The following SBF2 variants were observed in gnomAD, a reference collection of about 807,000 sequenced individuals.
SBF2 encodes SET binding factor 2, also known as myotubularin-related protein 13.
In SBF2, 112 loss-of-function variants were observed where a neutral mutation model predicts 225.2. The observed-to-expected ratio is 0.50, with a 90% confidence interval of 0.43 to 0.58. SBF2 has a LOEUF of 0.58. Among genes scored for constraint, SBF2 ranks in the 20% least tolerant of loss-of-function variants. The pLI is 0.00. For synonymous variants in SBF2, 763 were observed against 773.3 expected (o/e 0.99, Z 0.22); for missense variants, 1,996 against 2,206.2 (o/e 0.90, Z 1.91).
intron 2 of SBF2, among the ~76,000 whole-genome samples, chr11:10,118,323 C>T (rs1439473260): frequency 6.6e-6 from 1 of 152,046 alleles, no homozygotes; most frequent in East Asian, 1.9e-4. Flanking sequence ...ACGACAGGGA[C>T]TAAAGTACAA....
intron 16 of SBF2, among the ~76,000 whole-genome samples, chr11:9,950,480 TA>T (rs1329626591): frequency 6.6e-6 from 1 of 152,204 alleles, no homozygotes; most frequent in Non-Finnish European, 1.5e-5. Context: ...CAACTCTAGG[TA>T]TATATCAAAT....
chr11:9,850,128 C>T lies in SBF2; in HGVS notation c.2701G>A (p.Ala901Thr). ...GGGCCTCCAAGAAGACCTCCAGTAG[C>T]TTCTTCTCTTCCATCAGGATCCAGC... is the stretch of plus-strand genomic sequence containing the variant. ...VLLDPDGREE[A>T]TGGLLGGPQL... is the part of the protein sequence containing the mutation. The change falls in exon 22 of 40, where the codon GCT becomes ACT. Residue 901 changes from alanine (A) to threonine (T), a missense_variant. By Grantham distance (58) the Ala-to-Thr change is moderately conservative. Transcript: ENST00000256190. 6.2e-7 allele frequency: 1 copy of T among 1,614,136 alleles called. No homozygotes were observed. The highest frequency in any genetic ancestry group is 8.5e-7 in the Non-Finnish European group (1 of 1,179,998).
chr11:10,250,804 T>C (rs926585348), intron 1 of SBF2, among the ~76,000 whole-genome samples: 9 of 152,116 alleles, frequency 5.9e-5, no homozygotes, highest in African/African-American at 2.2e-4. Context: ...GCAACAAAAC[T>C]TGGGAAGCTT....
chr11:10,241,937 A>C (rs1195128269), intron 1 of SBF2, among the ~76,000 whole-genome samples: 1 of 151,948 alleles, frequency 6.6e-6, no homozygotes, highest in Non-Finnish European at 1.5e-5. Context: ...CACAAATCCT[A>C]GCACCAGGCC....
At chr11:10,294,239 T>G (rs1964369800), upstream of SBF2, 1 of 447,134 alleles carries the variant, frequency 2.2e-6, no homozygotes, top group Non-Finnish European at 3.6e-6. Flanking sequence ...CGGCGCCTAG[T>G]GCCCGCTCCT....
chr11:10,260,544 C>G (rs6484141), intron 1 of SBF2, among the ~76,000 whole-genome samples: 94,456 of 151,530 alleles, frequency 0.62, 30,095 homozygotes, highest in African/African-American at 0.76. Flanking sequence ...ATGAAACCCC[C>G]TCTCTACTAA....
At chr11:9,938,151 C>T (rs147971756) in intron 16 of SBF2, among the ~76,000 whole-genome samples, 4,520 of 151,942 alleles carry the variant, frequency 0.03, 100 homozygotes, top group Non-Finnish European at 0.047. Flanking sequence ...ATTAGCCGGG[C>T]GTGGTGGCGG....
chr11:10,043,067 T>C (rs966504073), intron 2 of SBF2, 86 bp from the exon 3 acceptor site: 19 of 1,364,194 alleles, frequency 1.4e-5, no homozygotes, highest in Non-Finnish European at 1.8e-5. Context: ...TGTTTGCCCA[T>C]TTTAACAAAT....
At chr11:9,974,560 C>T (rs999289688) in intron 13 of SBF2, among the ~76,000 whole-genome samples, 10 of 151,642 alleles carry the variant, frequency 6.6e-5, no homozygotes, top group Admixed American at 6.6e-4. Context: ...CAGTCCTATA[C>T]TCTCACTCAC....
At position 10,128,218 on chromosome 11, in the gene SBF2, T is replaced by C. The variant is rs1953853970; in HGVS notation, c.141+65684A>G. 2.0e-5 allele frequency among the ~76,000 whole-genome samples: 3 copies of C among 152,222 alleles called. No homozygotes were observed. The South Asian group carries it at 6.2e-4, about 32-fold the overall frequency. The stretch of plus-strand genomic sequence containing the variant: ...CACACTTGTTTGTTTGCCAGTTCTT[T>C]AGCTGTCTTCCTAACTACACTACCT... On this transcript the variant is annotated intron_variant, in intron 2 of 39. Coordinates refer to ENST00000256190, the MANE Select transcript of SBF2 (RefSeq NM_030962.4).
At chr11:9,880,903 G>T (rs970225350) in intron 17 of SBF2, among the ~76,000 whole-genome samples, 7 of 152,274 alleles carry the variant, frequency 4.6e-5, no homozygotes, top group African/African-American at 1.7e-4. Flanking sequence ...TGGATCACAA[G>T]AAATATGATT....
At position 10,206,283 on chromosome 11, in the gene SBF2, C is replaced by A. The variant is rs148325100; in HGVS notation, c.56-12296G>T. The stretch of plus-strand genomic sequence containing the variant: ...GAAGGGCTATATTTAATGGCCCCAG[C>A]ATTAAATAAACAAAGAAAACCAAAT... On this transcript the variant is annotated intron_variant, in intron 1 of 39. Coordinates refer to ENST00000256190, the MANE Select transcript of SBF2 (RefSeq NM_030962.4). 1.4e-4 allele frequency among the ~76,000 whole-genome samples: 21 copies of A among 151,212 alleles called. 1 individual carries two copies. In the East Asian group the frequency reaches 4.1e-3, roughly 30 times the overall value.
At chr11:9,897,224 A>G (rs1276964602) in intron 16 of SBF2, among the ~76,000 whole-genome samples, 1 of 151,688 alleles carries the variant, frequency 6.6e-6, no homozygotes, top group African/African-American at 2.4e-5. Flanking sequence ...ATGCTACCAC[A>G]TGGACATTAT....
intron 1 of SBF2, among the ~76,000 whole-genome samples, chr11:10,235,845 A>G (rs1204935700): frequency 6.6e-6 from 1 of 152,154 alleles, no homozygotes; most frequent in Non-Finnish European, 1.5e-5. Flanking sequence ...AGGCAGGAGG[A>G]TCACCTGAGC....
At chr11:9,794,704 A>AAAAAAAAAAAAAAC (rs1853000599) in intron 33 of SBF2, among the ~76,000 whole-genome samples, 3 of 146,388 alleles carry the variant, frequency 2.0e-5, no homozygotes, top group East Asian at 2.0e-4. Context: ...AAAAAAAAAA[A>AAAAAAAAAAAAAAC]AAAGACCAGG....
intron 19 of SBF2, among the ~76,000 whole-genome samples, chr11:9,855,470 T>C (rs1857251145): frequency 6.6e-6 from 1 of 152,120 alleles, no homozygotes; most frequent in Non-Finnish European, 1.5e-5. Flanking sequence ...AGGAGAAGAA[T>C]TTATGCGAGC....
At chr11:10,289,194 C>T (rs916681588) in intron 1 of SBF2, among the ~76,000 whole-genome samples, 4 of 152,212 alleles carry the variant, frequency 2.6e-5, no homozygotes, top group East Asian at 1.9e-4. Flanking sequence ...TTGGAGCAGG[C>T]GCCTCCAAGC....
At chr11:9,808,552 ACTCTGGAGTG>A in intron 31 of SBF2, 1 of 408,268 alleles carries the variant, frequency 2.4e-6, no homozygotes. Flanking sequence ...CACACTTTTC[ACTCTGGAGTG>A]AGTTAAGGCG....
chr11:10,105,477 T>C (rs1464210541), intron 2 of SBF2, among the ~76,000 whole-genome samples: 5 of 152,210 alleles, frequency 3.3e-5, no homozygotes, highest in South Asian at 2.1e-4. Flanking sequence ...TCTTACTAAA[T>C]AGATTAAGTA....
Sources: gnomAD v4.1 joint callset for allele counts (sites outside exome capture counted in the v4.1 genomes callset) on GRCh38, gnomAD v4.1.1 for gene constraint, MANE v1.5 for transcripts, NCBI Gene and HGNC (gene_info 2026-07-23, HGNC 2026-07-21) for gene names.